RIC3: variants seen among roughly 807,000 people sequenced by gnomAD.
RIC3 encodes RIC3 acetylcholine receptor chaperone, also known as protein RIC-3.
RIC3 carries 28 observed loss-of-function variants against 27.3 expected under a neutral mutation model. The ratio of observed to expected loss-of-function variants is 1.02; its 90% CI spans 0.76 to 1.41. The LOEUF (loss-of-function observed/expected upper bound fraction) is 1.41, where lower values mean the gene tolerates loss of function less well. Ranked by LOEUF, RIC3 falls within the 40% of genes most tolerant of loss-of-function variation. The pLI is 0.00. For missense variants in RIC3, 501 were observed against 444.7 expected, an observed-to-expected ratio of 1.13 and a Z score of -1.14; for synonymous variants, 184 against 160.4, an observed-to-expected ratio of 1.15 and a Z score of -1.11.
chr11:8,140,884 C>G (rs1948978828), intron 1 of RIC3, among the ~76,000 whole-genome samples: 1 of 151,508 alleles, frequency 6.6e-6, no homozygotes, highest in Non-Finnish European at 1.5e-5. Context: ...ATTCAACATT[C>G]TTAAAGAAAA....
intron 1 of RIC3, among the ~76,000 whole-genome samples, chr11:8,164,432 T>C (rs1422514663): frequency 6.6e-6 from 1 of 152,118 alleles, no homozygotes; most frequent in African/African-American, 2.4e-5. Flanking sequence ...ATCATATATC[T>C]GATAATAGAT....
At chr11:8,115,038 T>G (rs934558911) in intron 5 of RIC3, among the ~76,000 whole-genome samples, 9 of 152,042 alleles carry the variant, frequency 5.9e-5, no homozygotes, top group African/African-American at 1.9e-4. Context: ...AAAGAAATAA[T>G]AGCAGAAAAC....
Position 8,140,121 on chromosome 11 carries a change from C to G in RIC3, c.197G>C (p.Arg66Pro), listed in dbSNP as rs755155582. ...APSDGQTPGA[R>P]FQRSHLAEAF... ...CTCGGCAAGGTGAGACCTCTGGAAA[C>G]GAGCCCCAGGAGTCTGGCCATCTGA... is the stretch of plus-strand genomic sequence containing the variant. The change falls in exon 2 of 6, where the codon CGT becomes CCT. Residue 66 changes from arginine (R) to proline (P), a missense_variant. Arg to Pro is a moderately radical substitution (Grantham distance 103, BLOSUM62 -2). Transcript: ENST00000309737. The G allele has an allele frequency of 1.2e-6, 2 of 1,614,094 alleles. No homozygotes were observed. Among genetic ancestry groups the G allele is most frequent in the South Asian group, 1.1e-5 (1 of 91,076 alleles).
At chr11:8,127,056 T>C (rs1947074899) in intron 4 of RIC3, among the ~76,000 whole-genome samples, 1 of 152,206 alleles carries the variant, frequency 6.6e-6, no homozygotes, top group Admixed American at 6.5e-5. Flanking sequence ...AATTAGTTAA[T>C]GTCAATACTA....
Position 8,147,718 on chromosome 11 carries a change from CG to C in RIC3, c.125-7526del, listed in dbSNP as rs1322672540. On this transcript the variant is annotated intron_variant, in intron 1 of 5. Coordinates refer to ENST00000309737, the MANE Select transcript of RIC3 (RefSeq NM_001206671.4). ...CCCTAGGCCTGTTAGGTAGAACTTG[CG>C]TAAGATTTTTTTTTTTTTTTTTTTT... is the stretch of plus-strand genomic sequence containing the variant. Among the ~76,000 whole-genome samples, 15 of 147,780 alleles carry C rather than the reference CG, an allele frequency of 1.0e-4. No individual in the cohort carries two copies. In the South Asian group the frequency reaches 1.9e-3, roughly 19 times the overall value.
chr11:8,131,225 C>T (rs1758425999), intron 4 of RIC3, among the ~76,000 whole-genome samples: 1 of 152,164 alleles, frequency 6.6e-6, no homozygotes, highest in African/African-American at 2.4e-5. Flanking sequence ...AATCCCTGAC[C>T]TCACGGAGCC....
At chr11:8,116,046 G>C (rs1223729598) in intron 5 of RIC3, among the ~76,000 whole-genome samples, 2 of 152,044 alleles carry the variant, frequency 1.3e-5, no homozygotes, top group African/African-American at 4.8e-5. Flanking sequence ...CATAAAAACA[G>C]ACACACAGAC....
the RIC3 span, chr11:8,095,642 T>A: frequency 1.2e-6 from 2 of 1,605,928 alleles, no homozygotes; most frequent in African/African-American, 2.7e-5. Context: ...GGGCAGGATC[T>A]CCGTGCCACG....
the RIC3 span, chr11:8,097,364 G>A: frequency 6.2e-7 from 1 of 1,614,174 alleles, no homozygotes; most frequent in Non-Finnish European, 8.5e-7. Context: ...GACAAGAAAG[G>A]GATGGACCGG....
chr11:8,138,134 C>T (rs781285967), intron 3 of RIC3, 138 bp downstream of exon 3: 15 of 589,564 alleles, frequency 2.5e-5, no homozygotes, highest in Admixed American at 8.3e-5. Flanking sequence ...ATTCCCAGAA[C>T]TAAGGCAAAA....
At chr11:8,093,165 C>T in the RIC3 span, among the ~76,000 whole-genome samples, 7 of 151,846 alleles carry the variant, frequency 4.6e-5, no homozygotes, top group East Asian at 2.0e-4. Context: ...CCTGCTCTGA[C>T]GAGGGAGGCA....
chr11:8,104,708 A>G (rs1199066157), downstream of RIC3: 2 of 152,132 alleles, frequency 1.3e-5, no homozygotes, highest in Non-Finnish European at 2.9e-5. Context: ...GCCTGAAAAA[A>G]CTGGTATGTT....
rs778785504 is a variant in RIC3, at chr11:8,168,863, T to TA, written c.124+2dup. On this transcript the variant is annotated splice_region_variant and intron_variant, in intron 1 of 5. Transcript: ENST00000309737. The stretch of plus-strand genomic sequence containing the variant: ...AGCTCAGAGGGAGCTGGCCTGCTCT[T>TA]ACCTTCAGGTGTCGGCGGCGGCTCC... 2.5e-6 allele frequency: 4 copies of TA among 1,611,334 alleles called. No individual in the cohort carries two copies. The highest frequency in any genetic ancestry group is 2.5e-6 in the Non-Finnish European group (3 of 1,178,658).
chr11:8,106,416 C>G lies in RIC3; in HGVS notation c.*4282G>C, dbSNP rs1944663378. On this transcript the variant is annotated 3_prime_UTR_variant, in exon 6 of 6. Transcript: ENST00000309737. The stretch of plus-strand genomic sequence containing the variant: ...GGGTCAACACTGTCCTTCCTCTGGC[C>G]TGTGCCTTTCAAGTTTAAGGTTCAT... The G allele has an allele frequency of 6.6e-6, 1 of 152,214 alleles. No homozygotes were observed. Among genetic ancestry groups the G allele is most frequent in the Non-Finnish European group, 1.5e-5 (1 of 68,036 alleles). The allele number at this position is 152,214 out of a possible 1,614,324, so 9.4% of individuals were successfully genotyped here.
At chr11:8,131,242 C>A (rs778721774) in intron 4 of RIC3, among the ~76,000 whole-genome samples, 125 of 152,164 alleles carry the variant, frequency 8.2e-4, no homozygotes, top group Non-Finnish European at 8.1e-4. Flanking sequence ...AGCCTACAGT[C>A]TTTTGCAGCA....
At chr11:8,114,693 A>G (rs753038481) in intron 5 of RIC3, among the ~76,000 whole-genome samples, 3 of 152,072 alleles carry the variant, frequency 2.0e-5, no homozygotes, top group Non-Finnish European at 4.4e-5. Flanking sequence ...AAGGAAACTC[A>G]GCGAACTTCA....
the RIC3 span, among the ~76,000 whole-genome samples, chr11:8,094,868 G>A: frequency 6.2e-4 from 94 of 152,308 alleles, no homozygotes; most frequent in South Asian, 6.6e-3. Context: ...GGAGCTGGCC[G>A]AGCACTCTGG....
chr11:8,095,583 C>T, the RIC3 span: 165 of 1,612,982 alleles, frequency 1.0e-4, no homozygotes, highest in Non-Finnish European at 1.4e-4. Flanking sequence ...AGTCAGACCA[C>T]GCCCAGGACG....
intron 4 of RIC3, among the ~76,000 whole-genome samples, chr11:8,129,428 A>G (rs1947414827): frequency 6.6e-6 from 1 of 151,888 alleles, no homozygotes; most frequent in African/African-American, 2.4e-5. Context: ...CTGTCTCACA[A>G]CTCCAGTTAT....
Sources: gnomAD v4.1 joint callset for allele counts (sites outside exome capture counted in the v4.1 genomes callset) on GRCh38, gnomAD v4.1.1 for gene constraint, MANE v1.5 for transcripts, NCBI Gene and HGNC (gene_info 2026-07-23, HGNC 2026-07-21) for gene names.